RIC3: variants seen among roughly 807,000 people sequenced by gnomAD.
RIC3 encodes the protein RIC3 acetylcholine receptor chaperone.
In RIC3, 28 loss-of-function variants were observed where a neutral mutation model predicts 27.3. The ratio of observed to expected loss-of-function variants is 1.02; its 90% CI spans 0.76 to 1.41. The LOEUF (loss-of-function observed/expected upper bound fraction) is 1.41, where lower values mean the gene tolerates loss of function less well. RIC3 is among the 40% of genes most tolerant of loss of function. RIC3 has a pLI of 0.00. For missense variants in RIC3, 501 were observed against 444.7 expected (o/e 1.13, Z -1.14); for synonymous variants, 184 against 160.4 (o/e 1.15, Z -1.11).
chr11:8,143,650 A>C (rs1321747894), intron 1 of RIC3, among the ~76,000 whole-genome samples: 1 of 152,086 alleles, frequency 6.6e-6, no homozygotes, highest in Non-Finnish European at 1.5e-5. Flanking sequence ...GCTACCAATG[A>C]CTTTCTTCAC....
intron 1 of RIC3, among the ~76,000 whole-genome samples, chr11:8,145,863 A>T (rs1201816988): frequency 1.3e-5 from 2 of 152,324 alleles, no homozygotes; most frequent in African/African-American, 2.4e-5. Context: ...AAATAGAAAT[A>T]AAAAAATTGT....
At chr11:8,115,131 T>C (rs1319804128) in intron 5 of RIC3, among the ~76,000 whole-genome samples, 1 of 152,042 alleles carries the variant, frequency 6.6e-6, no homozygotes, top group Non-Finnish European at 1.5e-5. Flanking sequence ...AGTAAGACTA[T>C]ATCAAGAAGT....
chr11:8,164,558 T>C (rs897168867), intron 1 of RIC3, among the ~76,000 whole-genome samples: 5 of 152,134 alleles, frequency 3.3e-5, no homozygotes, highest in African/African-American at 1.2e-4. Context: ...GGAGGATCAC[T>C]TGAGGCCAGA....
intron 1 of RIC3, among the ~76,000 whole-genome samples, chr11:8,147,638 T>C (rs1393850993): frequency 6.6e-6 from 1 of 152,098 alleles, no homozygotes; most frequent in Non-Finnish European, 1.5e-5. Flanking sequence ...GGCTAGATTA[T>C]ATGGGGTGAA....
At chr11:8,164,712 G>A (rs1951509552) in intron 1 of RIC3, among the ~76,000 whole-genome samples, 1 of 149,812 alleles carries the variant, frequency 6.7e-6, no homozygotes, top group Non-Finnish European at 1.5e-5. Flanking sequence ...CAGGAGTTTG[G>A]GGCTACAGTG....
chr11:8,100,733 A>G, the RIC3 span: 3 of 1,572,762 alleles, frequency 1.9e-6, no homozygotes, highest in South Asian at 1.1e-5. Context: ...GTCTAGGGAA[A>G]TCCAAGGACC....
intron 4 of RIC3, among the ~76,000 whole-genome samples, chr11:8,136,577 G>A (rs886857256): frequency 1.3e-5 from 2 of 152,168 alleles, no homozygotes; most frequent in Non-Finnish European, 2.9e-5. Flanking sequence ...GGTAGCAAGA[G>A]GAGTGTCTTC....
At chr11:8,137,194 T>C (rs151267954) in intron 4 of RIC3, among the ~76,000 whole-genome samples, 184 bp downstream of exon 4, 1 of 152,142 alleles carries the variant, frequency 6.6e-6, no homozygotes, top group Non-Finnish European at 1.5e-5. Flanking sequence ...CTGGCTAATT[T>C]TGTATTTTTA....
intron 4 of RIC3, 120 bp from the exon 5 acceptor site, chr11:8,126,927 T>G (rs758478071): frequency 5.2e-6 from 6 of 1,154,540 alleles, no homozygotes; most frequent in Non-Finnish European, 7.6e-6. Flanking sequence ...AGATAATTAT[T>G]CTAGGAATTG....
At chr11:8,096,732 G>A in the RIC3 span, 1 of 1,614,072 alleles carries the variant, frequency 6.2e-7, no homozygotes, top group Non-Finnish European at 8.5e-7. Context: ...GGATGAGGAG[G>A]AGAATAGCTC....
intron 1 of RIC3, among the ~76,000 whole-genome samples, chr11:8,167,297 G>A (rs146884128): frequency 6.6e-6 from 1 of 152,276 alleles, no homozygotes; most frequent in African/African-American, 2.4e-5. Flanking sequence ...ATATCATATA[G>A]TGATGCCTAT....
intron 1 of RIC3, among the ~76,000 whole-genome samples, chr11:8,153,933 A>G (rs1162574179): frequency 1.3e-5 from 2 of 152,168 alleles, no homozygotes; most frequent in African/African-American, 4.8e-5. Flanking sequence ...AACAATGACA[A>G]TGCTGCATTT....
intron 1 of RIC3, among the ~76,000 whole-genome samples, chr11:8,167,968 C>G (rs1318979691): frequency 1.3e-5 from 2 of 152,150 alleles, no homozygotes; most frequent in African/African-American, 4.8e-5. Context: ...AGTCAATGTG[C>G]ATAAAGCAGA....
chr11:8,133,488 G>C (rs1030094013), intron 4 of RIC3, among the ~76,000 whole-genome samples: 1 of 152,186 alleles, frequency 6.6e-6, no homozygotes, highest in African/African-American at 2.4e-5. Flanking sequence ...ATTTGGTAAA[G>C]AGCCAGGAGC....
At chr11:8,140,393 T>G (rs1184457363) in intron 1 of RIC3, among the ~76,000 whole-genome samples, 200 bp from the exon 2 acceptor site, 1 of 152,178 alleles carries the variant, frequency 6.6e-6, no homozygotes, top group Non-Finnish European at 1.5e-5. Context: ...CAAACCCATT[T>G]TCTCTTCCCT....
the RIC3 span, chr11:8,096,611 A>ATG: frequency 9.2e-6 from 9 of 982,526 alleles, no homozygotes; most frequent in African/African-American, 1.3e-4. Flanking sequence ...GAACATGAGT[A>ATG]TGTGACCATG....
intron 5 of RIC3, among the ~76,000 whole-genome samples, chr11:8,124,426 A>C (rs1946791255): frequency 6.6e-6 from 1 of 152,224 alleles, no homozygotes; most frequent in Admixed American, 6.5e-5. Flanking sequence ...ACGTTCATGA[A>C]CTAGAAGATT....
intron 5 of RIC3, 54 bp from the exon 6 acceptor site, chr11:8,111,191 AAAAAT>A (rs1240179668): frequency 7.5e-7 from 1 of 1,329,922 alleles, no homozygotes; most frequent in Non-Finnish European, 1.0e-6. Flanking sequence ...CAAAAAAAAA[AAAAAT>A]AGTGTCAGGT....
intron 1 of RIC3, among the ~76,000 whole-genome samples, chr11:8,163,612 C>G (rs1028370277): frequency 6.6e-6 from 1 of 151,900 alleles, no homozygotes; most frequent in African/African-American, 2.4e-5. Flanking sequence ...ATAACAACAT[C>G]AAAAAGAATA....
Sources: gnomAD v4.1 joint callset for allele counts (sites outside exome capture counted in the v4.1 genomes callset) on GRCh38, gnomAD v4.1.1 for gene constraint, MANE v1.5 for transcripts, NCBI Gene and HGNC (gene_info 2026-07-23, HGNC 2026-07-21) for gene names.